Variants in EYA4 observed in about 807,000 individuals in gnomAD.
The protein encoded by EYA4 is EYA transcriptional coactivator and phosphatase 4, also known as protein phosphatase EYA4.
A neutral mutation model predicts 87.9 loss-of-function variants in EYA4; 31 were observed. The observed-to-expected ratio is 0.35, with a 90% CI of 0.27 to 0.48. EYA4 has a LOEUF of 0.48. Among genes scored for constraint, EYA4 ranks in the 20% least tolerant of loss-of-function variants. EYA4 has a pLI of 0.99. For missense variants in EYA4, 678 were observed against 761.4 expected (o/e 0.89, Z 1.29); for synonymous variants, 263 against 270.6 (o/e 0.97, Z 0.28).
chr6:133,341,017 C>T (rs1199062934), intron 2 of EYA4, among the ~76,000 whole-genome samples: 5 of 152,090 alleles, frequency 3.3e-5, no homozygotes, highest in East Asian at 1.9e-4. Context: ...TATCATGGAG[C>T]GCAAAACTTA....
intron 19 of EYA4, chr6:133,525,954 A>T: frequency 1.0e-6 from 1 of 983,682 alleles, no homozygotes. Flanking sequence ...AGCCAGTGGT[A>T]CTTGATTGAA....
intron 10 of EYA4, among the ~76,000 whole-genome samples, chr6:133,465,609 T>A (rs117298938): frequency 2.8e-4 from 43 of 152,302 alleles, no homozygotes; most frequent in Non-Finnish European, 3.7e-4. Flanking sequence ...CCAAATCTTT[T>A]GTCCTTATTT....
chr6:133,483,169 G>C, intron 13 of EYA4, 54 bp downstream of exon 13: 1 of 1,405,148 alleles, frequency 7.1e-7, no homozygotes, highest in Non-Finnish European at 1.0e-6. Context: ...TTTTGTGTTT[G>C]TTTAAAATCA....
At chr6:133,442,842 G>T (rs1792440059) in intron 3 of EYA4, among the ~76,000 whole-genome samples, 1 of 151,984 alleles carries the variant, frequency 6.6e-6, no homozygotes, top group African/African-American at 2.4e-5. Flanking sequence ...TTCTTAGTTT[G>T]CCAAGAATTT....
intron 3 of EYA4, among the ~76,000 whole-genome samples, chr6:133,422,294 T>TTTTAGTGAATATA (rs1790287349): frequency 6.6e-6 from 1 of 152,220 alleles, no homozygotes; most frequent in South Asian, 2.1e-4. Flanking sequence ...TCACATTATA[T>TTTTAGTGAATATA]TTTAGTACAT....
intron 2 of EYA4, among the ~76,000 whole-genome samples, chr6:133,301,515 A>G (rs1013648389): frequency 2.0e-5 from 3 of 152,238 alleles, no homozygotes; most frequent in Non-Finnish European, 2.9e-5. Context: ...AGCTGCACAT[A>G]TGATATTAAT....
intron 2 of EYA4, among the ~76,000 whole-genome samples, chr6:133,315,088 G>A (rs952088616): frequency 5.9e-5 from 9 of 152,194 alleles, no homozygotes; most frequent in East Asian, 3.9e-4. Flanking sequence ...CGCATGGAAC[G>A]GAGCCAGTCT....
intron 2 of EYA4, among the ~76,000 whole-genome samples, chr6:133,341,619 T>G (rs929163023): frequency 6.6e-6 from 1 of 152,040 alleles, no homozygotes; most frequent in African/African-American, 2.4e-5. Flanking sequence ...TAGAAAATTC[T>G]TTTCTAATGT....
intron 2 of EYA4, among the ~76,000 whole-genome samples, chr6:133,315,442 C>T (rs866505722): frequency 6.6e-6 from 1 of 152,084 alleles, no homozygotes; most frequent in East Asian, 1.9e-4. Context: ...ATTAAAATTA[C>T]AATTTTGTGG....
intron 2 of EYA4, among the ~76,000 whole-genome samples, chr6:133,354,849 T>C (rs561075602): frequency 1.3e-5 from 2 of 152,318 alleles, no homozygotes; most frequent in East Asian, 3.9e-4. Flanking sequence ...CCAGGTCCAT[T>C]GAAAACAGAT....
intron 2 of EYA4, among the ~76,000 whole-genome samples, chr6:133,316,070 A>G (rs1780596866): frequency 6.6e-6 from 1 of 152,128 alleles, no homozygotes; most frequent in Admixed American, 6.5e-5. Context: ...CCACCTTCTC[A>G]TTGATGTCCC....
At position 133,245,394 on chromosome 6, in the gene EYA4, C is replaced by T. The variant is rs1890226; in HGVS notation, c.-66+3645C>T. On this transcript the variant is annotated intron_variant, in intron 1 of 19. Coordinates refer to ENST00000355286, the MANE Select transcript of EYA4 (RefSeq NM_004100.5). ...AGTGAGAATATAATCTTGACAGTTT[C>T]TTTTTCTAAATGGATATTATTCTTA... Among the ~76,000 whole-genome samples, 1,125 of 152,262 alleles carry T rather than the reference C, an allele frequency of 7.4e-3. 3 individuals carry two copies. The highest frequency in any genetic ancestry group is 0.011 in the Non-Finnish European group (779 of 68,002).
At position 133,529,665 on chromosome 6, in the gene EYA4, G is replaced by T; in HGVS notation, c.*860G>T. The stretch of plus-strand genomic sequence containing the variant: ...AAACAACAATAATAAAGGAAAGCTT[G>T]TGTTTCATTTGGGTTCTTAATAATT... On this transcript the variant is annotated 3_prime_UTR_variant, in exon 20 of 20. Coordinates refer to ENST00000355286, the MANE Select transcript of EYA4 (RefSeq NM_004100.5). 1.0e-6 allele frequency: 1 copy of T among 984,066 alleles called. No individual in the cohort carries two copies. Among genetic ancestry groups the T allele is most frequent in the South Asian group, 4.7e-5 (1 of 21,252 alleles). The allele number at this position is 984,066 out of a possible 1,614,324, so 61.0% of individuals were successfully genotyped here. A position where few individuals can be genotyped will look rare whatever the true frequency, so the allele number is the denominator to read the frequency against.
intron 1 of EYA4, among the ~76,000 whole-genome samples, chr6:133,273,097 G>GTATATATACATATATATATATATATATA (rs1776855213): frequency 9.4e-6 from 1 of 106,638 alleles, no homozygotes; most frequent in African/African-American, 3.2e-5. Flanking sequence ...ATATATATAT[G>GTATATATACATATATATATATATATATA]TATATATATA....
chr6:133,399,182 A>C (rs3777819), intron 3 of EYA4, among the ~76,000 whole-genome samples: 15,651 of 152,138 alleles, frequency 0.1, 935 homozygotes, highest in East Asian at 0.22. Context: ...TACATACATA[A>C]TTTTTAGTGT....
At chr6:133,377,398 C>T (rs1324511103) in intron 2 of EYA4, among the ~76,000 whole-genome samples, 1 of 151,840 alleles carries the variant, frequency 6.6e-6, no homozygotes, top group Non-Finnish European at 1.5e-5. Flanking sequence ...TCTAAATAGC[C>T]ACGTGTGGTT....
intron 1 of EYA4, among the ~76,000 whole-genome samples, chr6:133,256,665 A>G (rs1775363703): frequency 6.6e-6 from 1 of 152,100 alleles, no homozygotes; most frequent in Non-Finnish European, 1.5e-5. Context: ...AATCTGTTTA[A>G]TGTGGAAATA....
In EYA4 at chr6:133,439,049, C is replaced by CAAAAAAAAAAAAAAA. The variant is rs56261819; in HGVS notation, c.84-7568_84-7554dup. ...TGGGTGACAAAGCGAGACTCCGTCT[C>CAAAAAAAAAAAAAAA]AAAAAAAAAAAAAAAAAAAAAAAAA... On this transcript the variant is annotated intron_variant, in intron 3 of 19. Coordinates refer to ENST00000355286, the MANE Select transcript of EYA4 (RefSeq NM_004100.5). Among the ~76,000 whole-genome samples, 22 of 64,032 alleles carry CAAAAAAAAAAAAAAA rather than the reference C, an allele frequency of 3.4e-4. 1 individual carries two copies. Among genetic ancestry groups the CAAAAAAAAAAAAAAA allele is most frequent in the Admixed American group, 1.3e-3 (5 of 3,842 alleles). The allele number at this position is 64,032 out of a possible 152,430, so 42.0% of individuals were successfully genotyped here.
intron 2 of EYA4, among the ~76,000 whole-genome samples, chr6:133,318,487 T>A (rs1290594134): frequency 6.6e-6 from 1 of 152,214 alleles, no homozygotes; most frequent in African/African-American, 2.4e-5. Context: ...GCTTGGTGCC[T>A]GTGTCTTCAT....
Sources: allele counts gnomAD v4.1 joint callset (sites outside exome capture counted in the v4.1 genomes callset), GRCh38; gene constraint gnomAD v4.1.1; transcripts MANE v1.5; gene names NCBI Gene and HGNC (gene_info 2026-07-23, HGNC 2026-07-21).